SDHB: variants seen among roughly 807,000 people sequenced by gnomAD.
SDHB encodes succinate dehydrogenase [ubiquinone] iron-sulfur subunit, mitochondrial.
A neutral mutation model predicts 39.7 loss-of-function variants in SDHB; 21 were observed. That is an observed-to-expected ratio of 0.53 (90% CI 0.37 to 0.76). The LOEUF (loss-of-function observed/expected upper bound fraction) is 0.76. SDHB is among the 30% of genes least tolerant of loss of function. The pLI is 0.00. For missense variants in SDHB, 343 were observed against 350.9 expected (o/e 0.98, Z 0.18); for synonymous variants, 118 against 117.0 (o/e 1.01, Z -0.06).
rs2101541662 is a variant in SDHB, at chr1:17,044,894, AT to A, written c.73-7del. ...GTCTGGGCTCCTCGGGAGGCCTGAA[AT>A]TTTTTAAAGTTCACAAAAAGGAAAA... On this transcript the variant is annotated splice_region_variant and splice_polypyrimidine_tract_variant and intron_variant, in intron 1 of 7. Transcript: ENST00000375499. 6.2e-7 allele frequency: 1 copy of A among 1,613,256 alleles called. No individual in the cohort carries two copies. Among genetic ancestry groups the A allele is most frequent in the Non-Finnish European group, 8.5e-7 (1 of 1,179,864 alleles).
intron 6 of SDHB, chr1:17,023,170 T>C (rs1052069515): frequency 1.0e-5 from 3 of 300,218 alleles, no homozygotes; most frequent in South Asian, 3.1e-5. Context: ...TCCCACTTAA[T>C]GATTCTTTGA....
intron 5 of SDHB, among the ~76,000 whole-genome samples, chr1:17,026,566 C>T (rs60461917): frequency 2.6e-5 from 4 of 151,966 alleles, no homozygotes; most frequent in Admixed American, 2.0e-4. Context: ...GGTTTTATCA[C>T]GTTGGCCAGG....
At chr1:17,019,381 A>G (rs547953044) in intron 7 of SDHB, among the ~76,000 whole-genome samples, 17 of 152,308 alleles carry the variant, frequency 1.1e-4, no homozygotes, top group Admixed American at 3.3e-4. Flanking sequence ...ACCAGCTCTC[A>G]AAAGTATGTG....
intron 2 of SDHB, among the ~76,000 whole-genome samples, chr1:17,040,469 C>T (rs1267198024): frequency 1.3e-5 from 2 of 152,132 alleles, no homozygotes; most frequent in Non-Finnish European, 2.9e-5. Context: ...TCCATCCACT[C>T]ACCCATGCAT....
intron 1 of SDHB, among the ~76,000 whole-genome samples, chr1:17,049,159 C>T (rs555550646): frequency 1.3e-5 from 2 of 152,116 alleles, no homozygotes; most frequent in Non-Finnish European, 2.9e-5. Flanking sequence ...ACCATCATGT[C>T]CAGCTAATTT....
chr1:17,032,805 G>A, intron 3 of SDHB: 3 of 533,444 alleles, frequency 5.6e-6, no homozygotes, highest in Non-Finnish European at 1.0e-5. Context: ...GAAGCGTGGA[G>A]CAGCTCACAG....
intron 1 of SDHB, among the ~76,000 whole-genome samples, chr1:17,047,907 C>T (rs2078123044): frequency 6.6e-6 from 1 of 152,070 alleles, no homozygotes; most frequent in Non-Finnish European, 1.5e-5. Context: ...TCTTGAACTC[C>T]TGGCCCCAAG....
At chr1:17,028,852 A>G (rs747596255) in intron 3 of SDHB, 116 bp from the exon 4 acceptor site, 6 of 1,238,512 alleles carry the variant, frequency 4.8e-6, no homozygotes, top group Admixed American at 1.7e-5. Flanking sequence ...GACATGCAAC[A>G]TTCCTCTGAC....
At chr1:17,019,017 C>G in intron 7 of SDHB, 59 bp from the exon 8 acceptor site, 1 of 1,346,324 alleles carries the variant, frequency 7.4e-7, no homozygotes. Context: ...AGGGAAAACC[C>G]ACAATCTTGG....
chr1:17,048,371 T>C (rs2078125207), intron 1 of SDHB, among the ~76,000 whole-genome samples: 1 of 152,204 alleles, frequency 6.6e-6, no homozygotes, highest in Non-Finnish European at 1.5e-5. Context: ...GTACCACAAT[T>C]TGCTTAACCA....
intron 2 of SDHB, among the ~76,000 whole-genome samples, chr1:17,033,836 G>A (rs568759421): frequency 5.3e-5 from 8 of 152,332 alleles, no homozygotes; most frequent in African/African-American, 1.9e-4. Flanking sequence ...TAATACACAC[G>A]AGATCTTTAC....
chr1:17,027,296 A>T (rs2077996150), intron 5 of SDHB, among the ~76,000 whole-genome samples: 1 of 152,218 alleles, frequency 6.6e-6, no homozygotes, highest in South Asian at 2.1e-4. Flanking sequence ...AGATCACCAG[A>T]AGTATGGTGT....
intron 3 of SDHB, among the ~76,000 whole-genome samples, chr1:17,029,665 A>G (rs1426459535): frequency 6.6e-6 from 1 of 152,200 alleles, no homozygotes; most frequent in Admixed American, 6.5e-5. Context: ...AAGTAAATCA[A>G]CATTGTCTTG....
At chr1:17,043,797 G>C (rs1212412179) in intron 2 of SDHB, among the ~76,000 whole-genome samples, 1 of 152,176 alleles carries the variant, frequency 6.6e-6, no homozygotes, top group African/African-American at 2.4e-5. Flanking sequence ...TGGAAGCTTG[G>C]AACAGCCCTC....
chr1:17,018,882 T>TA lies in SDHB; in HGVS notation c.841dup (p.Ter281LeufsTer23). 1 of 1,607,324 alleles carries TA rather than the reference T, an allele frequency of 6.2e-7. No homozygotes were observed. Among genetic ancestry groups the TA allele is most frequent in the Non-Finnish European group, 8.5e-7 (1 of 1,173,866 alleles). ...AAATCATGTTTAGCATGGAAACAGTTAAACTGAAGCTTTCTTCTCCTTATA... is the reference window on the plus strand; with the variant it reads ...AAATCATGTTTAGCATGGAAACAGTTAAAACTGAAGCTTTCTTCTCCTTATA... On this transcript the variant is annotated frameshift_variant and stop_lost, in exon 8 of 8. Coordinates refer to ENST00000375499, the MANE Select transcript of SDHB (RefSeq NM_003000.3). LOFTEE classifies it high-confidence loss of function.
At chr1:17,046,538 T>C (rs1292776346) in intron 1 of SDHB, among the ~76,000 whole-genome samples, 1 of 152,172 alleles carries the variant, frequency 6.6e-6, no homozygotes, top group East Asian at 1.9e-4. Flanking sequence ...CCCCTTTTCC[T>C]ACCCTTAGCA....
At chr1:17,036,718 A>G (rs1489303494) in intron 2 of SDHB, among the ~76,000 whole-genome samples, 1 of 146,826 alleles carries the variant, frequency 6.8e-6, no homozygotes, top group Non-Finnish European at 1.5e-5. Flanking sequence ...ATATAAATAT[A>G]AATATTTATA....
At chr1:17,053,897 C>T (rs1253721546) in intron 1 of SDHB, 51 bp downstream of exon 1, 1 of 1,360,132 alleles carries the variant, frequency 7.4e-7, no homozygotes, top group Non-Finnish European at 1.0e-6. Context: ...CAGCTCCAGG[C>T]AGTCTCTGTG....
intron 7 of SDHB, among the ~76,000 whole-genome samples, chr1:17,021,574 A>G (rs1399051518): frequency 6.6e-6 from 1 of 151,948 alleles, no homozygotes; most frequent in East Asian, 1.9e-4. Flanking sequence ...GAGAAACCCT[A>G]TCTCTACTAA....
Sources: allele counts gnomAD v4.1 joint callset (sites outside exome capture counted in the v4.1 genomes callset), GRCh38; gene constraint gnomAD v4.1.1; transcripts MANE v1.5; gene names NCBI Gene and HGNC (gene_info 2026-07-23, HGNC 2026-07-21).